Variants in UBE3C observed in about 807,000 individuals in gnomAD.
UBE3C encodes ubiquitin-protein ligase E3C.
A neutral mutation model predicts 129.4 loss-of-function variants in UBE3C; 42 were observed. The observed-to-expected ratio is 0.32, with a 90% CI of 0.25 to 0.42. The LOEUF (loss-of-function observed/expected upper bound fraction) is 0.42, where lower values mean the gene tolerates loss of function less well. Ranked by LOEUF, UBE3C falls within the 10% of genes least tolerant of loss-of-function variation. The pLI is 1.00. For missense variants in UBE3C, 1,049 were observed against 1,319.1 expected, an observed-to-expected ratio of 0.80 and a Z score of 3.17; for synonymous variants, 510 against 492.4, an observed-to-expected ratio of 1.04 and a Z score of -0.47.
intron 1 of UBE3C, among the ~76,000 whole-genome samples, chr7:157,156,672 C>T (rs566923085): frequency 6.7e-6 from 1 of 150,150 alleles, no homozygotes; most frequent in South Asian, 2.1e-4. Flanking sequence ...GAGCTGTTCT[C>T]TACATACATA....
intron 10 of UBE3C, among the ~76,000 whole-genome samples, chr7:157,199,902 ATATT>A (rs1554429326): frequency 6.6e-6 from 1 of 152,072 alleles, no homozygotes; most frequent in Non-Finnish European, 1.5e-5. Flanking sequence ...ATATTATTAA[ATATT>A]TATTATTAAG....
chr7:157,241,451 T>C (rs1796322235), intron 18 of UBE3C, among the ~76,000 whole-genome samples: 2 of 152,186 alleles, frequency 1.3e-5, no homozygotes, highest in Admixed American at 1.3e-4. Context: ...AAATGGGCCA[T>C]TGGTTCGTGC....
intron 18 of UBE3C, among the ~76,000 whole-genome samples, chr7:157,234,006 A>G (rs1014213047): frequency 1.3e-5 from 2 of 152,134 alleles, no homozygotes; most frequent in African/African-American, 4.8e-5. Context: ...ATTCAAGTCC[A>G]TTGCCTATTT....
chr7:157,183,433 C>T (rs906317063), intron 8 of UBE3C, among the ~76,000 whole-genome samples: 10 of 152,180 alleles, frequency 6.6e-5, no homozygotes, highest in African/African-American at 4.8e-5. Context: ...ACTCTCGGCA[C>T]CTCCCTGTGT....
intron 9 of UBE3C, among the ~76,000 whole-genome samples, chr7:157,184,518 A>G (rs968163625): frequency 6.6e-6 from 1 of 152,242 alleles, no homozygotes; most frequent in African/African-American, 2.4e-5. Flanking sequence ...TTAAAATTAT[A>G]TATACATGCA....
chr7:157,171,686 A>ATT (rs77471740), intron 4 of UBE3C, among the ~76,000 whole-genome samples: 1 of 37,632 alleles, frequency 2.7e-5, no homozygotes, highest in Non-Finnish European at 5.3e-5. Context: ...ATATATATAT[A>ATT]TTTTTTTTTT....
chr7:157,246,730 C>G (rs568560882), intron 18 of UBE3C, among the ~76,000 whole-genome samples: 1 of 152,254 alleles, frequency 6.6e-6, no homozygotes, highest in African/African-American at 2.4e-5. Context: ...AGTGCTGCAC[C>G]TCCAGACAGT....
chr7:157,175,923 A>G (rs532178118), intron 5 of UBE3C, among the ~76,000 whole-genome samples: 11 of 152,266 alleles, frequency 7.2e-5, no homozygotes, highest in African/African-American at 2.2e-4. Flanking sequence ...TGTGGTCCAC[A>G]TATGGTCTCT....
At chr7:157,246,765 T>TTCTC (rs1796487129) in intron 18 of UBE3C, among the ~76,000 whole-genome samples, 1 of 152,202 alleles carries the variant, frequency 6.6e-6, no homozygotes, top group Non-Finnish European at 1.5e-5. Context: ...CTGCCTCTGT[T>TTCTC]GAGAGGGTTT....
chr7:157,193,487 C>T (rs1220005200), intron 10 of UBE3C, among the ~76,000 whole-genome samples: 4 of 152,042 alleles, frequency 2.6e-5, no homozygotes, highest in Non-Finnish European at 4.4e-5. Context: ...AGAGAGTCCC[C>T]GTGGAAAACT....
chr7:157,211,574 CAGT>C (rs1297441462), intron 13 of UBE3C, among the ~76,000 whole-genome samples: 6 of 152,070 alleles, frequency 3.9e-5, no homozygotes, highest in African/African-American at 1.5e-4. Flanking sequence ...TGACCTTGAG[CAGT>C]AGAATATAAA....
chr7:157,188,963 T>C, intron 10 of UBE3C: 1 of 680,328 alleles, frequency 1.5e-6, no homozygotes, highest in Non-Finnish European at 2.7e-6. Flanking sequence ...TACAAATGAA[T>C]GTGGAGACCT....
At chr7:157,212,640 A>C (rs890306235) in intron 13 of UBE3C, among the ~76,000 whole-genome samples, 1 of 152,222 alleles carries the variant, frequency 6.6e-6, no homozygotes, top group Admixed American at 6.5e-5. Context: ...CTAAGCAGTT[A>C]TCTACTTGAT....
At chr7:157,156,624 A>G (rs775891834) in intron 1 of UBE3C, among the ~76,000 whole-genome samples, 1 of 150,982 alleles carries the variant, frequency 6.6e-6, no homozygotes, top group African/African-American at 2.4e-5. Flanking sequence ...TAATCCTTAC[A>G]TTCACACTCT....
rs369869117 is a variant in UBE3C at position 157,186,847 on chromosome 7, T to C, written c.1157T>C (p.Leu386Pro). Residue 386 changes from leucine (L) to proline (P), a missense_variant, in exon 10 of 23, where the codon CTG (leucine) becomes CCG (proline). Leu to Pro is a moderately conservative substitution (Grantham distance 98). This residue lies in a region of UBE3C where 489 missense variants were observed against 513.8 expected (regional missense o/e 0.95). Coordinates refer to ENST00000348165, the MANE Select transcript of UBE3C (RefSeq NM_014671.3). ...DKPSSPEDGRLSVSYITEECL... is the reference protein window; with the variant it reads ...DKPSSPEDGRPSVSYITEECL... ...GGTATGTTCTAGGAGGATGGCAGACTGTCAGTATCATACATAACAGAGGAA... is the reference window on the plus strand; with the variant it reads ...GGTATGTTCTAGGAGGATGGCAGACCGTCAGTATCATACATAACAGAGGAA... 18 of 1,614,072 alleles carry C rather than the reference T, an allele frequency of 1.1e-5. No individual in the cohort carries two copies. The African/African-American group carries it at 2.1e-4, about 19-fold the overall frequency.
At chr7:157,224,792 A>ACG (rs769953235) in intron 16 of UBE3C, among the ~76,000 whole-genome samples, 1 of 139,200 alleles carries the variant, frequency 7.2e-6, no homozygotes, top group Non-Finnish European at 1.6e-5. Context: ...ACACACACAC[A>ACG]CTCTCTCTCT....
intron 5 of UBE3C, among the ~76,000 whole-genome samples, chr7:157,176,883 G>T (rs1037964053): frequency 2.0e-5 from 3 of 152,196 alleles, no homozygotes; most frequent in Non-Finnish European, 4.4e-5. Context: ...AAATGTAAAT[G>T]TTAGAAATTG....
At chr7:157,166,619 A>C (rs920495136) in intron 2 of UBE3C, among the ~76,000 whole-genome samples, 1 of 151,840 alleles carries the variant, frequency 6.6e-6, no homozygotes, top group African/African-American at 2.4e-5. Context: ...GCATGCCTGT[A>C]ATCCCAGCTC....
intron 1 of UBE3C, among the ~76,000 whole-genome samples, chr7:157,157,732 T>TG (rs1807951323): frequency 6.6e-6 from 1 of 152,180 alleles, no homozygotes; most frequent in Non-Finnish European, 1.5e-5. Flanking sequence ...TCTAGCACTT[T>TG]GGGAGGCCAA....
Sources: allele counts gnomAD v4.1 joint callset (sites outside exome capture counted in the v4.1 genomes callset), GRCh38; gene constraint gnomAD v4.1.1; regional missense constraint gnomAD v4.1.1; transcripts MANE v1.5; gene names NCBI Gene and HGNC (gene_info 2026-07-23, HGNC 2026-07-21).